GIPR: variants seen among roughly 807,000 people sequenced by gnomAD.
GIPR encodes the protein gastric inhibitory polypeptide receptor.
GIPR carries 74 observed loss-of-function variants against 62.2 expected under a neutral mutation model. The observed-to-expected ratio is 1.19, with a 90% CI of 0.99 to 1.44. The LOEUF is 1.44. Ranked by LOEUF, GIPR falls within the 40% of genes most tolerant of loss-of-function variation. The probability of loss-of-function intolerance (pLI) is 0.00; values close to 1 mark genes in which losing one functional copy is unlikely to be tolerated. For synonymous variants in GIPR, 256 were observed against 262.2 expected, an observed-to-expected ratio of 0.98 and a Z score of 0.23; for missense variants, 664 against 611.8, an observed-to-expected ratio of 1.09 and a Z score of -0.90.
Position 45,677,937 on chromosome 19 carries a change from G to T in GIPR, c.956G>T (p.Gly319Val). Reference sequence around the variant, plus strand: ...TTCCTCATTTTTATCCGCATTCTTGGCATTCTCCTGTCCAAGCTGAGGACA... The same window carrying T: ...TTCCTCATTTTTATCCGCATTCTTGTCATTCTCCTGTCCAAGCTGAGGACA... Reference protein sequence around the residue: ...INFLIFIRILGILLSKLRTRQ... With the variant: ...INFLIFIRILVILLSKLRTRQ... The change falls in exon 11 of 14, where the codon GGC (glycine) becomes GTC (valine). Residue 319 changes from glycine (G) to valine (V), a missense_variant. Coordinates refer to ENST00000590918, the MANE Select transcript of GIPR (RefSeq NM_000164.4). 6.2e-7 allele frequency: 1 copy of T among 1,613,958 alleles called. No homozygotes were observed. The highest frequency in any genetic ancestry group is 8.5e-7 in the Non-Finnish European group (1 of 1,180,006).
In GIPR at chr19:45,677,321, A is replaced by C; in HGVS notation, c.794-2A>C. The C allele has an allele frequency of 6.4e-7, 1 of 1,569,988 alleles. No homozygotes were observed. Among genetic ancestry groups the C allele is most frequent in the Non-Finnish European group, 8.7e-7 (1 of 1,153,046 alleles). ...GGGGGGGCGGGGTCGGGGTCTGCAC[A>C]GGGGCCCCCGCGCTTTTCGTCATTC... On this transcript the variant is annotated splice_acceptor_variant, in intron 8 of 13. Coordinates refer to ENST00000590918, the MANE Select transcript of GIPR (RefSeq NM_000164.4). LOFTEE classifies it high-confidence loss of function.
intron 3 of GIPR, 47 bp downstream of exon 3, chr19:45,670,781 G>A (rs1223162403): frequency 1.7e-6 from 2 of 1,193,118 alleles, no homozygotes; most frequent in African/African-American, 1.5e-5. Context: ...GAGGCTGAGA[G>A]GGGTGGGCTT....
chr19:45,678,381 T>C, intron 12 of GIPR, 155 bp downstream of exon 12: 1 of 897,936 alleles, frequency 1.1e-6, no homozygotes, highest in Non-Finnish European at 1.7e-6. Flanking sequence ...TTTTTTTTTT[T>C]GAGACGGATT....
chr19:45,681,622 C>T lies in GIPR; in HGVS notation c.1171C>T (p.Leu391Phe). Residue 391 changes from leucine to phenylalanine, a missense_variant, in exon 13 of 14, where the codon CTC becomes TTC. Leu to Phe is a conservative substitution (Grantham distance 22). Coordinates refer to ENST00000590918, the MANE Select transcript of GIPR (RefSeq NM_000164.4). ...TGGGCAGGGCTTCCTGGTCAGCGTC[C>T]TCTACTGCTTCATCAACAAGGAGGT... The part of the protein sequence containing the change: ...SSFQGFLVSV[L>F]YCFINKEVQS... 6.2e-7 allele frequency: 1 copy of T among 1,613,918 alleles called. No individual in the cohort carries two copies. The highest frequency in any genetic ancestry group is 8.5e-7 in the Non-Finnish European group (1 of 1,179,962).
At chr19:45,670,593 G>A (rs995685418) in intron 2 of GIPR, 42 bp from the exon 3 acceptor site, 8 of 1,388,908 alleles carry the variant, frequency 5.8e-6, no homozygotes, top group East Asian at 4.6e-5. Context: ...GCCTGGGAGC[G>A]GGGGTCGGTC....
In GIPR at chr19:45,670,638, G is replaced by A; in HGVS notation, c.76G>A (p.Gly26Ser). Residue 26 changes from glycine to serine, a missense_variant, in exon 3 of 14, where the codon GGC (glycine) becomes AGC (serine). Coordinates refer to ENST00000590918, the MANE Select transcript of GIPR (RefSeq NM_000164.4). ...CGLLLQRAET[G>S]SKGQTAGELY... is the part of the protein sequence containing the mutation. ...CCTCCCTTCTTTCTTTTCCTAGACAGGCTCTAAGGGGCAGACGGCGGGGGA... is the reference window on the plus strand; with the variant it reads ...CCTCCCTTCTTTCTTTTCCTAGACAAGCTCTAAGGGGCAGACGGCGGGGGA... 1 of 1,611,058 alleles carries A rather than the reference G, an allele frequency of 6.2e-7. No individual in the cohort carries two copies. The highest frequency in any genetic ancestry group is 8.5e-7 in the Non-Finnish European group (1 of 1,177,690).
intron 5 of GIPR, among the ~76,000 whole-genome samples, chr19:45,673,598 G>A (rs1460497765): frequency 2.6e-5 from 4 of 152,074 alleles, no homozygotes; most frequent in Admixed American, 2.6e-4. Context: ...AGGAGTGGTG[G>A]CTCATGCCTG....
chr19:45,679,233 A>G (rs1967106355), intron 12 of GIPR, among the ~76,000 whole-genome samples: 1 of 152,118 alleles, frequency 6.6e-6, no homozygotes, highest in Admixed American at 6.6e-5. Context: ...TAATCCCAGC[A>G]TTTTGGGAGG....
At position 45,677,091 on chromosome 19, in the gene GIPR, A is replaced by G; in HGVS notation, c.776A>G (p.Tyr259Cys). The part of the protein sequence containing the change: ...GGSEEGHFRY[Y>C]LLLGWGAPAL... The stretch of plus-strand genomic sequence containing the variant: ...TCCGAGGAGGGCCACTTCCGCTACT[A>G]CCTGCTCCTCGGCTGGGGTGAGCTC... The change falls in exon 8 of 14, where the codon TAC becomes TGC. Residue 259 changes from tyrosine to cysteine, a missense_variant. By Grantham distance (194) the Tyr-to-Cys change is radical (BLOSUM62 -2). Coordinates refer to ENST00000590918, the MANE Select transcript of GIPR (RefSeq NM_000164.4). 6.2e-7 allele frequency: 1 copy of G among 1,613,536 alleles called. No individual in the cohort carries two copies. The highest frequency in any genetic ancestry group is 8.5e-7 in the Non-Finnish European group (1 of 1,179,828).
In GIPR at chr19:45,677,125, T is replaced by A. The variant is rs572373461; in HGVS notation, c.793+17T>A. 3 of 1,611,606 alleles carry A rather than the reference T, an allele frequency of 1.9e-6. No homozygotes were observed. In the South Asian group the frequency reaches 3.3e-5, roughly 18 times the overall value. ...TCGGCTGGGGTGAGCTCCGATCCCG[T>A]CCCCCGCCCAACCCAGCGCGCCTCT... On this transcript the variant is annotated intron_variant, in intron 8 of 13. Coordinates refer to ENST00000590918, the MANE Select transcript of GIPR (RefSeq NM_000164.4).
intron 6 of GIPR, 71 bp downstream of exon 6, chr19:45,674,248 T>C: frequency 1.0e-6 from 1 of 995,812 alleles, no homozygotes; most frequent in South Asian, 1.3e-5. Context: ...TAAGATGGGG[T>C]GGTCTGTTTC....
At chr19:45,676,437 T>A (rs1304027439) in intron 7 of GIPR, among the ~76,000 whole-genome samples, 1 of 132,236 alleles carries the variant, frequency 7.6e-6, no homozygotes, top group African/African-American at 2.8e-5. Context: ...TTTTTTTTTT[T>A]TTTTTTTTTT....
rs757166669 is a variant in GIPR, at chr19:45,681,594, C to T, written c.1153-10C>T. 5 of 1,613,590 alleles carry T rather than the reference C, an allele frequency of 3.1e-6. No homozygotes were observed. In the East Asian group the frequency reaches 6.7e-5, roughly 22 times the overall value. On this transcript the variant is annotated splice_polypyrimidine_tract_variant and intron_variant, in intron 12 of 13. Coordinates refer to ENST00000590918, the MANE Select transcript of GIPR (RefSeq NM_000164.4). ...ACCAGCGATGTAACCTCCGCGCCTC[C>T]TCTGGGCAGGGCTTCCTGGTCAGCG...
At position 45,677,345 on chromosome 19, in the gene GIPR, T is replaced by C. The variant is rs751430510; in HGVS notation, c.816T>C (p.Ile272=). The part of the protein sequence containing the change: ...LGWGAPALFV[I]PWVIVRYLYE... ...CAGGGGCCCCCGCGCTTTTCGTCATTCCCTGGGTGATCGTCAGGTACCTGT... is the reference window on the plus strand; with the variant it reads ...CAGGGGCCCCCGCGCTTTTCGTCATCCCCTGGGTGATCGTCAGGTACCTGT... Residue 272 remains isoleucine, a synonymous_variant, in exon 9 of 14, where the codon ATT becomes ATC. Coordinates refer to ENST00000590918, the MANE Select transcript of GIPR (RefSeq NM_000164.4). 11 of 1,598,356 alleles carry C rather than the reference T, an allele frequency of 6.9e-6. No individual in the cohort carries two copies. In the East Asian group the frequency reaches 2.5e-4, roughly 36 times the overall value.
At chr19:45,680,361 C>T (rs1967164833) in intron 12 of GIPR, among the ~76,000 whole-genome samples, 1 of 150,350 alleles carries the variant, frequency 6.7e-6, no homozygotes, top group African/African-American at 2.5e-5. Flanking sequence ...GGCCCTGTCT[C>T]AAAAACAAAA....
At position 45,672,906 on chromosome 19, in the gene GIPR, G is replaced by A; in HGVS notation, c.336G>A (p.Trp112Ter). The A allele has an allele frequency of 8.1e-6, 13 of 1,613,380 alleles. No homozygotes were observed. The highest frequency in any genetic ancestry group is 1.7e-5 in the Admixed American group (1 of 59,990). ...QCGSDGQWGL[W>*]RDHTQCENPE... ...GCAGTGATGGCCAATGGGGACTTTG[G>A]AGAGACCATACACAATGTGAGAACC... Residue 112 changes from tryptophan (W) to a stop codon, truncating the protein, a stop_gained, in exon 5 of 14, where the codon TGG becomes TGA. Transcript: ENST00000590918. LOFTEE classifies it high-confidence loss of function.
At chr19:45,679,173 A>T (rs1967103528) in intron 12 of GIPR, among the ~76,000 whole-genome samples, 1 of 152,100 alleles carries the variant, frequency 6.6e-6, no homozygotes, top group South Asian at 2.1e-4. Flanking sequence ...AGACACACTA[A>T]ACACACTATA....
chr19:45,678,121 G>A lies in GIPR; in HGVS notation c.1047G>A (p.Leu349=). 6.2e-7 allele frequency: 1 copy of A among 1,612,604 alleles called. No homozygotes were observed. Among genetic ancestry groups the A allele is most frequent in the Non-Finnish European group, 8.5e-7 (1 of 1,179,762 alleles). ...LARSTLTLVP[L]LGVHEVVFAP... is the part of the protein sequence containing the mutation. The stretch of plus-strand genomic sequence containing the variant: ...GCTCCACGCTGACGCTGGTGCCCCT[G>A]CTGGGTGTCCACGAGGTGGTGTTTG... The change falls in exon 12 of 14, where the codon CTG becomes CTA. Residue 349 remains leucine, a synonymous_variant. Transcript: ENST00000590918.
Position 45,682,343 on chromosome 19 carries a change from T to C in GIPR, c.*408T>C. ...GTAGAATTAAGTCAGAGCCAACAGG[T>C]GGGGAGAGACAGAGAAGTGGGCAGG... On this transcript the variant is annotated 3_prime_UTR_variant, in exon 14 of 14. Transcript: ENST00000590918. 5.2e-6 allele frequency: 1 copy of C among 191,394 alleles called. No individual in the cohort carries two copies. The highest frequency in any genetic ancestry group is 1.1e-5 in the Non-Finnish European group (1 of 93,908). 11.9% of individuals were successfully genotyped at this position (191,394 alleles called of 1,614,324 possible). A position where few individuals can be genotyped will look rare whatever the true frequency, so the allele number is the denominator to read the frequency against.
Sources: allele counts gnomAD v4.1 joint callset (sites outside exome capture counted in the v4.1 genomes callset), GRCh38; gene constraint gnomAD v4.1.1; transcripts MANE v1.5; gene names NCBI Gene and HGNC (gene_info 2026-07-23, HGNC 2026-07-21).